The following MAN1A1 variants were observed in gnomAD, a reference collection of about 807,000 sequenced individuals.
MAN1A1 encodes mannosidase alpha class 1A member 1.
Under a neutral mutation model 70.8 loss-of-function variants are expected in MAN1A1, and 29 were observed. That is an observed-to-expected ratio of 0.41 (90% CI 0.31 to 0.56). The LOEUF (loss-of-function observed/expected upper bound fraction) is 0.56, where lower values mean the gene tolerates loss of function less well. Ranked by LOEUF, MAN1A1 falls within the 20% of genes least tolerant of loss-of-function variation. The pLI, the probability that MAN1A1 is intolerant of heterozygous loss-of-function variation, is 0.29. For synonymous variants in MAN1A1, 349 were observed against 330.1 expected (o/e 1.06, Z -0.62); for missense variants, 747 against 841.3 (o/e 0.89, Z 1.39).
At chr6:119,277,990 A>AAAAT (rs1776124263) in intron 5 of MAN1A1, among the ~76,000 whole-genome samples, 3 of 112,336 alleles carry the variant, frequency 2.7e-5, no homozygotes, top group Admixed American at 9.8e-5. Flanking sequence ...AATAAATAAA[A>AAAAT]AAAAAGTAAT....
At chr6:119,304,391 T>C (rs1468327894) in intron 3 of MAN1A1, among the ~76,000 whole-genome samples, 1 of 152,184 alleles carries the variant, frequency 6.6e-6, no homozygotes, top group Non-Finnish European at 1.5e-5. Flanking sequence ...TGACATTTCA[T>C]TTCTAAGTTA....
At chr6:119,235,714 G>C (rs1308277504) in intron 6 of MAN1A1, among the ~76,000 whole-genome samples, 1 of 152,166 alleles carries the variant, frequency 6.6e-6, no homozygotes, top group Non-Finnish European at 1.5e-5. Flanking sequence ...TGCCATCTAG[G>C]ATTTTCATAG....
At chr6:119,217,541 A>C (rs1350449305) in intron 6 of MAN1A1, among the ~76,000 whole-genome samples, 1 of 152,198 alleles carries the variant, frequency 6.6e-6, no homozygotes, top group Non-Finnish European at 1.5e-5. Context: ...CGGCCTCCCA[A>C]AGGCGTGAGC....
intron 2 of MAN1A1, among the ~76,000 whole-genome samples, chr6:119,322,829 T>C (rs542134594): frequency 3.3e-5 from 5 of 152,316 alleles, no homozygotes; most frequent in Admixed American, 6.5e-5. Flanking sequence ...TAACAATCAT[T>C]TCAAAGTAGA....
At chr6:119,315,847 G>C (rs78442109) in intron 2 of MAN1A1, among the ~76,000 whole-genome samples, 1 of 152,184 alleles carries the variant, frequency 6.6e-6, no homozygotes, top group Non-Finnish European at 1.5e-5. Flanking sequence ...TATCTGTCTT[G>C]TGGTTGATGA....
At chr6:119,287,434 C>T (rs978889112) in intron 5 of MAN1A1, among the ~76,000 whole-genome samples, 5 of 152,160 alleles carry the variant, frequency 3.3e-5, no homozygotes, top group South Asian at 4.1e-4. Context: ...ATATTTTACA[C>T]GTTTTGCACT....
chr6:119,259,121 T>C (rs976863940), intron 5 of MAN1A1, among the ~76,000 whole-genome samples: 1 of 152,220 alleles, frequency 6.6e-6, no homozygotes, highest in Non-Finnish European at 1.5e-5. Flanking sequence ...AGCTTTCATG[T>C]CTGCTTTCTA....
chr6:119,219,142 G>T (rs1370766527), intron 6 of MAN1A1, among the ~76,000 whole-genome samples: 2 of 151,912 alleles, frequency 1.3e-5, no homozygotes, highest in Non-Finnish European at 2.9e-5. Context: ...TTTCACTTTG[G>T]CATTTCTTTC....
chr6:119,257,229 A>T (rs1775484518), intron 5 of MAN1A1, among the ~76,000 whole-genome samples: 1 of 152,210 alleles, frequency 6.6e-6, no homozygotes, highest in Non-Finnish European at 1.5e-5. Flanking sequence ...GCAGGTGGAG[A>T]GCTAGATTAC....
intron 2 of MAN1A1, among the ~76,000 whole-genome samples, chr6:119,327,009 A>G (rs1163933181): frequency 1.3e-5 from 2 of 152,144 alleles, no homozygotes; most frequent in South Asian, 2.1e-4. Context: ...CCCTACCCCA[A>G]ATATTTCCAT....
chr6:119,301,596 A>C (rs1772390537), intron 4 of MAN1A1, among the ~76,000 whole-genome samples: 1 of 152,230 alleles, frequency 6.6e-6, no homozygotes, highest in Admixed American at 6.5e-5. Flanking sequence ...CTGGAGCCCC[A>C]TGGACCTACA....
At chr6:119,183,905 G>A (rs943224156) in intron 11 of MAN1A1, among the ~76,000 whole-genome samples, 2 of 151,850 alleles carry the variant, frequency 1.3e-5, no homozygotes, top group African/African-American at 4.8e-5. Flanking sequence ...TTGTACGTGA[G>A]AATAAAACAA....
intron 6 of MAN1A1, among the ~76,000 whole-genome samples, chr6:119,213,230 C>T (rs563728349): frequency 2.6e-5 from 4 of 152,066 alleles, no homozygotes; most frequent in Non-Finnish European, 4.4e-5. Context: ...TAAAAATGTG[C>T]GCATAGCTTG....
At chr6:119,236,707 CAAAAA>C (rs34748730) in intron 6 of MAN1A1, among the ~76,000 whole-genome samples, 6 of 96,586 alleles carry the variant, frequency 6.2e-5, no homozygotes, top group African/African-American at 7.9e-5. Flanking sequence ...GACTTTGTCT[CAAAAA>C]AAAAAAAAAA....
intron 5 of MAN1A1, among the ~76,000 whole-genome samples, chr6:119,274,907 T>G (rs567621350): frequency 5.9e-5 from 9 of 152,342 alleles, no homozygotes; most frequent in African/African-American, 2.2e-4. Context: ...TTCAATTTAA[T>G]GAACTATATT....
At chr6:119,309,588 CT>C (rs1402786833) in intron 2 of MAN1A1, among the ~76,000 whole-genome samples, 1 of 152,092 alleles carries the variant, frequency 6.6e-6, no homozygotes, top group Non-Finnish European at 1.5e-5. Flanking sequence ...GTTCTAAAGC[CT>C]GACATTCCAC....
At chr6:119,330,287 C>T (rs1018100957) in intron 2 of MAN1A1, among the ~76,000 whole-genome samples, 1 of 152,168 alleles carries the variant, frequency 6.6e-6, no homozygotes, top group Non-Finnish European at 1.5e-5. Context: ...TCCTAAACCA[C>T]ATCCATTACC....
intron 6 of MAN1A1, among the ~76,000 whole-genome samples, chr6:119,227,984 G>GAA (rs2114273158): frequency 6.6e-6 from 1 of 152,218 alleles, no homozygotes; most frequent in African/African-American, 2.4e-5. Flanking sequence ...TCTGTTCATT[G>GAA]AAATGCTTAG....
At position 119,193,820 on chromosome 6, in the gene MAN1A1, T is replaced by G; in HGVS notation, c.1283A>C (p.Lys428Thr). 6.2e-7 allele frequency: 1 copy of G among 1,613,838 alleles called. No homozygotes were observed. Among genetic ancestry groups the G allele is most frequent in the Non-Finnish European group, 8.5e-7 (1 of 1,179,842 alleles). The change falls in exon 9 of 13, where the codon AAG (lysine) becomes ACG (threonine). Residue 428 changes from lysine (K) to threonine (T), a missense_variant. Lys to Thr is a moderately conservative substitution (Grantham distance 78, BLOSUM62 -1). Transcript: ENST00000368468. ...YLLKAWLMSD[K>T]TDLEAKKMYF... ...CATCTTCTTAGCTTCCAGATCTGTC[T>G]TGTCAGACATTAACCAGGCCTTCAG...
Sources: allele counts gnomAD v4.1 joint callset (sites outside exome capture counted in the v4.1 genomes callset), GRCh38; gene constraint gnomAD v4.1.1; transcripts MANE v1.5; gene names NCBI Gene and HGNC (gene_info 2026-07-23, HGNC 2026-07-21).